Variants in IMMT observed in about 807,000 individuals in gnomAD.
IMMT encodes the protein inner membrane mitochondrial protein, also known as MICOS complex subunit MIC60.
In IMMT, 40 loss-of-function variants were observed where a neutral mutation model predicts 92.7. The ratio of observed to expected loss-of-function variants is 0.43; its 90% CI spans 0.34 to 0.56. IMMT has a LOEUF of 0.56. IMMT is among the 20% of genes least tolerant of loss of function. The pLI, the probability that IMMT is intolerant of heterozygous loss-of-function variation, is 0.03. For missense variants in IMMT, 831 were observed against 912.1 expected (o/e 0.91, Z 1.14); for synonymous variants, 322 against 336.1 (o/e 0.96, Z 0.46).
chr2:86,154,708 G>C (rs1327597139), intron 10 of IMMT, among the ~76,000 whole-genome samples: 1 of 152,118 alleles, frequency 6.6e-6, no homozygotes, highest in Non-Finnish European at 1.5e-5. Flanking sequence ...TGATTTGAGA[G>C]TAAAGGGAAA....
At chr2:86,168,739 GA>G (rs1676891519) in intron 6 of IMMT, among the ~76,000 whole-genome samples, 1 of 152,158 alleles carries the variant, frequency 6.6e-6, no homozygotes, top group South Asian at 2.1e-4. Context: ...TGAACAAATG[GA>G]ATCTGAGGAA....
intron 8 of IMMT, among the ~76,000 whole-genome samples, chr2:86,161,735 C>G (rs1428059633): frequency 1.3e-5 from 2 of 151,750 alleles, no homozygotes; most frequent in Non-Finnish European, 2.9e-5. Context: ...AGGATGGTCT[C>G]GATCTCTTGA....
intron 4 of IMMT, among the ~76,000 whole-genome samples, chr2:86,173,256 T>C (rs571202254): frequency 6.6e-6 from 1 of 152,308 alleles, no homozygotes; most frequent in East Asian, 1.9e-4. Context: ...AGCAAGACAC[T>C]TTCATCACTA....
intron 11 of IMMT, 144 bp downstream of exon 11, chr2:86,153,416 C>A: frequency 4.5e-6 from 2 of 445,474 alleles, no homozygotes; most frequent in Non-Finnish European, 4.0e-6. Context: ...CAAAAATATC[C>A]AATTCAGATT....
chr2:86,166,657 AAAG>A lies in IMMT; in HGVS notation c.656-16_656-14del, dbSNP rs1316299423. 5.1e-6 allele frequency: 8 copies of A among 1,580,906 alleles called. No individual in the cohort carries two copies. The Admixed American group carries it at 7.7e-5, about 15-fold the overall frequency. ...CTCTTGGCTAGAGCTTAAAAAAAAAAAAGAACAGTTAAAAAACAAATCCTACCC... is the reference window on the plus strand; with the variant it reads ...CTCTTGGCTAGAGCTTAAAAAAAAAAAACAGTTAAAAAACAAATCCTACCC... On this transcript the variant is annotated splice_polypyrimidine_tract_variant and intron_variant, in intron 6 of 14. Transcript: ENST00000410111.
In IMMT at chr2:86,177,550, G is replaced by A. The variant is rs186221822; in HGVS notation, c.309+1883C>T. 6.1e-3 allele frequency among the ~76,000 whole-genome samples: 922 copies of A among 151,890 alleles called. 5 individuals are homozygous for A. The highest frequency in any genetic ancestry group is 9.0e-3 in the Non-Finnish European group (613 of 67,986). On this transcript the variant is annotated intron_variant, in intron 3 of 14. Coordinates refer to ENST00000410111, the MANE Select transcript of IMMT (RefSeq NM_006839.3). ...CAGGAGGCAGAAGTTGCAGTGATCC[G>A]AGATCGCGCCACTGCAGTCCAGCCT...
At chr2:86,171,472 C>A (rs1677077743) in intron 4 of IMMT, 127 bp from the exon 5 acceptor site, 2 of 826,898 alleles carry the variant, frequency 2.4e-6, no homozygotes, top group Admixed American at 2.1e-5. Context: ...ATTTGTACTG[C>A]CACATGTTTG....
chr2:86,177,558 G>A (rs953851305), intron 3 of IMMT, among the ~76,000 whole-genome samples: 12 of 151,722 alleles, frequency 7.9e-5, no homozygotes, highest in Middle Eastern at 3.4e-3. Flanking sequence ...CCGAGATCGC[G>A]CCACTGCAGT....
At chr2:86,171,417 C>T in intron 4 of IMMT, 72 bp from the exon 5 acceptor site, 1 of 1,347,784 alleles carries the variant, frequency 7.4e-7, no homozygotes, top group South Asian at 1.2e-5. Flanking sequence ...AATTTACTAC[C>T]ACCATCACCA....
chr2:86,181,590 TA>T (rs919739872), intron 1 of IMMT, among the ~76,000 whole-genome samples: 19 of 151,736 alleles, frequency 1.3e-4, no homozygotes, highest in Admixed American at 2.0e-4. Flanking sequence ...CTTTTAATAT[TA>T]AAAAAAAATT....
intron 2 of IMMT, among the ~76,000 whole-genome samples, chr2:86,179,879 C>T (rs1166843938): frequency 6.6e-6 from 1 of 151,638 alleles, no homozygotes; most frequent in Non-Finnish European, 1.5e-5. Context: ...AGTTCAAAAC[C>T]ACCCTAGGCA....
At chr2:86,184,753 AT>A (rs749767318) in intron 1 of IMMT, among the ~76,000 whole-genome samples, 3 of 151,714 alleles carry the variant, frequency 2.0e-5, no homozygotes, top group South Asian at 2.1e-4. Flanking sequence ...AAAAAAAAAA[AT>A]TTTGGAACCT....
rs1677245226 is a variant in IMMT, at chr2:86,173,582, A to G, written c.421+68T>C. On this transcript the variant is annotated intron_variant, in intron 4 of 14. Transcript: ENST00000410111. Reference sequence around the variant, plus strand: ...GCAACAAGAGCGAAACTCCATCTCAAAAAAAAAAAAAGAATTGGTGAAGAG... The same window carrying G: ...GCAACAAGAGCGAAACTCCATCTCAGAAAAAAAAAAAGAATTGGTGAAGAG... 1.7e-5 allele frequency: 13 copies of G among 761,954 alleles called. No individual in the cohort carries two copies. The East Asian group carries it at 4.7e-4, about 28-fold the overall frequency. The allele number at this position is 761,954 out of a possible 1,614,324, so 47.2% of individuals were successfully genotyped here.
chr2:86,152,238 C>T (rs993923402), intron 11 of IMMT, among the ~76,000 whole-genome samples: 7 of 151,816 alleles, frequency 4.6e-5, no homozygotes, highest in African/African-American at 9.7e-5. Context: ...GTCAGGAGTT[C>T]GAGACCAGCT....
At chr2:86,180,906 T>A (rs900320420) in intron 2 of IMMT, among the ~76,000 whole-genome samples, 4 of 150,782 alleles carry the variant, frequency 2.7e-5, no homozygotes, top group Non-Finnish European at 4.4e-5. Flanking sequence ...GAAAAAAAAA[T>A]AGATAATAAA....
chr2:86,178,318 AAAAAAAAAAAAAAG>A (rs1230798836), intron 3 of IMMT, among the ~76,000 whole-genome samples: 3 of 40,526 alleles, frequency 7.4e-5, no homozygotes, highest in Admixed American at 2.2e-4. Context: ...ACTCCATCTC[AAAAAAAAAAAAAAG>A]AAAAAAAAAA....
chr2:86,158,080 G>C (rs1675989144), intron 10 of IMMT, among the ~76,000 whole-genome samples: 1 of 152,216 alleles, frequency 6.6e-6, no homozygotes, highest in African/African-American at 2.4e-5. Flanking sequence ...AAAGTTCTCT[G>C]TAGTTTCAGC....
chr2:86,182,957 T>C (rs1474316174), intron 1 of IMMT, among the ~76,000 whole-genome samples: 1 of 152,152 alleles, frequency 6.6e-6, no homozygotes, highest in Non-Finnish European at 1.5e-5. Flanking sequence ...TTCCCAACAT[T>C]TTTGAACCAT....
chr2:86,182,608 C>T (rs1430124276), intron 1 of IMMT, among the ~76,000 whole-genome samples: 3 of 152,088 alleles, frequency 2.0e-5, no homozygotes, highest in South Asian at 2.1e-4. Context: ...CGAGGGTGAG[C>T]GGCGCAGGCG....
Sources: gnomAD v4.1 joint callset for allele counts (sites outside exome capture counted in the v4.1 genomes callset) on GRCh38, gnomAD v4.1.1 for gene constraint, MANE v1.5 for transcripts, NCBI Gene and HGNC (gene_info 2026-07-23, HGNC 2026-07-21) for gene names.